The following EPHA2 variants were observed in gnomAD, a reference collection of about 807,000 sequenced individuals.
The protein encoded by EPHA2 is ephrin type-A receptor 2.
A neutral mutation model predicts 104.9 loss-of-function variants in EPHA2; 54 were observed. The ratio of observed to expected loss-of-function variants is 0.51; its 90% confidence interval spans 0.41 to 0.65. The LOEUF is 0.65. Among genes scored for constraint, EPHA2 ranks in the 30% least tolerant of loss-of-function variants. The probability of loss-of-function intolerance (pLI) is 0.00; values close to 1 mark genes in which losing one functional copy is unlikely to be tolerated. For synonymous variants in EPHA2, 560 were observed against 559.1 expected, an observed-to-expected ratio of 1.00 and a Z score of -0.02; for missense variants, 1,117 against 1,369.5, an observed-to-expected ratio of 0.82 and a Z score of 2.91.
At chr1:16,137,711 G>A (rs1317721884) in intron 5 of EPHA2, 142 bp downstream of exon 5, 1 of 991,610 alleles carries the variant, frequency 1.0e-6, no homozygotes, top group Admixed American at 2.1e-5. Flanking sequence ...CCACGGGTTG[G>A]ACAAGCTTGC....
At position 16,150,895 on chromosome 1, in the gene EPHA2, C is replaced by T. The variant is rs2025022137; in HGVS notation, c.153+1G>A. 1 of 1,614,114 alleles carries T rather than the reference C, an allele frequency of 6.2e-7. No individual in the cohort carries two copies. Among genetic ancestry groups the T allele is most frequent in the Non-Finnish European group, 8.5e-7 (1 of 1,180,000 alleles). Reference sequence around the variant, plus strand: ...TCTCCCCACCCCGAAGGCTTACATACCCCTTTGCCATACGGGTGTGTGAGC... The same window carrying T: ...TCTCCCCACCCCGAAGGCTTACATATCCCTTTGCCATACGGGTGTGTGAGC... On this transcript the variant is annotated splice_donor_variant, in intron 2 of 16. Coordinates refer to ENST00000358432, the MANE Select transcript of EPHA2 (RefSeq NM_004431.5). LOFTEE classifies it high-confidence loss of function. The surrounding 1 kb of genome is among the most constrained non-coding windows in gnomAD (Gnocchi z 4.8).
intron 5 of EPHA2, 49 bp downstream of exon 5, chr1:16,137,804 C>A: frequency 6.2e-7 from 1 of 1,609,590 alleles, no homozygotes; most frequent in African/African-American, 1.3e-5. Context: ...CTCCTTAAGC[C>A]CCACCTGGGC....
intron 5 of EPHA2, among the ~76,000 whole-genome samples, chr1:16,136,751 A>G (rs1232717190): frequency 6.8e-6 from 1 of 146,752 alleles, no homozygotes; most frequent in Non-Finnish European, 1.5e-5. Context: ...AAGAAGAAGA[A>G]GAAGAAGAAG....
intron 1 of EPHA2, among the ~76,000 whole-genome samples, chr1:16,152,507 G>A (rs1220044067): frequency 1.3e-5 from 2 of 148,750 alleles, no homozygotes; most frequent in Admixed American, 6.7e-5. Flanking sequence ...GTGGCTGGGG[G>A]CAGCGGGGTG....
chr1:16,146,125 C>A (rs57222978), intron 3 of EPHA2, among the ~76,000 whole-genome samples: 7,494 of 152,230 alleles, frequency 0.049, 614 homozygotes, highest in African/African-American at 0.17. Context: ...CCTGGCATCT[C>A]GCGCACCGGC....
chr1:16,136,150 C>T lies in EPHA2; in HGVS notation c.1313-380G>A, dbSNP rs190322375. Among the ~76,000 whole-genome samples the T allele has an allele frequency of 1.9e-3, 287 of 152,070 alleles. 1 individual carries two copies. Among genetic ancestry groups the T allele is most frequent in the Admixed American group, 4.1e-3 (63 of 15,288 alleles). The stretch of plus-strand genomic sequence containing the variant: ...CCTCCCAAAATGCTGGGATTATGGG[C>T]GTGGTCACCACGCCCAGCTCCCAGG... On this transcript the variant is annotated intron_variant, in intron 5 of 16. Coordinates refer to ENST00000358432, the MANE Select transcript of EPHA2 (RefSeq NM_004431.5).
Position 16,129,723 on chromosome 1 carries a change from G to A in EPHA2, c.2670-134C>T, listed in dbSNP as rs902096616. ...GTCTCCTTATCTGGGCAACAGGGAAGCCCAGTCAAGTAGGGTTCAATGAGA... is the reference window on the plus strand; with the variant it reads ...GTCTCCTTATCTGGGCAACAGGGAAACCCAGTCAAGTAGGGTTCAATGAGA... On this transcript the variant is annotated intron_variant, in intron 15 of 16. Transcript: ENST00000358432. 7.4e-6 allele frequency: 9 copies of A among 1,219,666 alleles called. No homozygotes were observed. The African/African-American group carries it at 1.4e-4, about 18-fold the overall frequency. 75.6% of individuals were successfully genotyped at this position (1,219,666 alleles called of 1,614,324 possible). A position where few individuals can be genotyped will look rare whatever the true frequency, so the allele number is the denominator to read the frequency against.
In EPHA2 at chr1:16,134,406, AG is replaced by A; in HGVS notation, c.1682+61del. ...CCCCATCGTTCAGATGAGGAAATGGAGGTTCCTGCCCCATTTTCCCACCCAA... is the reference window on the plus strand; with the variant it reads ...CCCCATCGTTCAGATGAGGAAATGGAGTTCCTGCCCCATTTTCCCACCCAA... On this transcript the variant is annotated intron_variant, in intron 8 of 16. Transcript: ENST00000358432. The surrounding 1 kb of genome is among the most constrained non-coding windows in gnomAD (Gnocchi z 4.5). The A allele has an allele frequency of 6.6e-7, 1 of 1,516,648 alleles. No individual in the cohort carries two copies. The highest frequency in any genetic ancestry group is 9.1e-7 in the Non-Finnish European group (1 of 1,094,850). 93.9% of individuals were successfully genotyped at this position (1,516,648 alleles called of 1,614,324 possible).
chr1:16,133,148 T>G, intron 11 of EPHA2, 32 bp downstream of exon 11: 1 of 1,611,590 alleles, frequency 6.2e-7, no homozygotes, highest in Non-Finnish European at 8.5e-7. Flanking sequence ...GTGGCCCCTC[T>G]CCACCCAGTG....
At position 16,132,151 on chromosome 1, in the gene EPHA2, G is replaced by C; in HGVS notation, c.2238C>G (p.Leu746=). The C allele has an allele frequency of 6.2e-7, 1 of 1,614,226 alleles. No homozygotes were observed. Among genetic ancestry groups the C allele is most frequent in the Non-Finnish European group, 8.5e-7 (1 of 1,180,030 alleles). ...VHRDLAARNI[L]VNSNLVCKVS... Reference sequence around the variant, plus strand: ...CCTTGCAGACCAGGTTGCTGTTGACGAGGATGTTGCGGGCAGCCAGGTCAC... The same window carrying C: ...CCTTGCAGACCAGGTTGCTGTTGACCAGGATGTTGCGGGCAGCCAGGTCAC... The change falls in exon 13 of 17, where the codon CTC becomes CTG. Residue 746 remains leucine (L), a synonymous_variant. Transcript: ENST00000358432.
rs1278851193 is a variant in EPHA2, at chr1:16,133,840, G to A, written c.1738+20C>T. 7.1e-6 allele frequency: 11 copies of A among 1,540,586 alleles called. No individual in the cohort carries two copies. The highest frequency in any genetic ancestry group is 9.6e-6 in the Non-Finnish European group (11 of 1,140,664). On this transcript the variant is annotated intron_variant, in intron 9 of 16. Coordinates refer to ENST00000358432, the MANE Select transcript of EPHA2 (RefSeq NM_004431.5). ...GACGGTGCGGGCAGGGCTGGGCCTG[G>A]AGCGGGGGCTGCGTCTCACCTGACT...
Position 16,125,808 on chromosome 1 carries a change from G to T in EPHA2, c.2826-488C>A, listed in dbSNP as rs993499990. 6.6e-6 allele frequency among the ~76,000 whole-genome samples: 1 copy of T among 152,018 alleles called. No individual in the cohort carries two copies. Among genetic ancestry groups the T allele is most frequent in the Non-Finnish European group, 1.5e-5 (1 of 68,006 alleles). Reference sequence around the variant, plus strand: ...TCTGTTCCCAGTGCCCCCAGCTCAGGCCTCCTTCCCAGGAACTCTCTAGGG... The same window carrying T: ...TCTGTTCCCAGTGCCCCCAGCTCAGTCCTCCTTCCCAGGAACTCTCTAGGG... On this transcript the variant is annotated intron_variant, in intron 16 of 16. Coordinates refer to ENST00000358432, the MANE Select transcript of EPHA2 (RefSeq NM_004431.5). The surrounding 1 kb of genome is among the most constrained non-coding windows in gnomAD (Gnocchi z 4.9).
rs2024665908 is a variant in EPHA2 at position 16,135,503 on chromosome 1, A to C, written c.1428+152T>G. On this transcript the variant is annotated intron_variant, in intron 6 of 16. Transcript: ENST00000358432. The surrounding 1 kb of genome is among the most constrained non-coding windows in gnomAD (Gnocchi z 4.3). ...AATCTCTGCTGTGCTGCCTTGGGAG[A>C]TGTAACCCCCTGGCAGACCCCAGGC... 9 of 792,322 alleles carry C rather than the reference A, an allele frequency of 1.1e-5. No homozygotes were observed. The highest frequency in any genetic ancestry group is 2.0e-5 in the Non-Finnish European group (9 of 460,948). The allele number at this position is 792,322 out of a possible 1,614,324, so 49.1% of individuals were successfully genotyped here.
chr1:16,147,533 C>G (rs2024957327), intron 3 of EPHA2, among the ~76,000 whole-genome samples: 1 of 151,998 alleles, frequency 6.6e-6, no homozygotes, highest in Admixed American at 6.6e-5. Context: ...GAACTTGCTC[C>G]TGGTACTCCA....
chr1:16,133,418 G>A (rs775515235), intron 10 of EPHA2, 50 bp from the exon 11 acceptor site: 2 of 1,613,898 alleles, frequency 1.2e-6, no homozygotes. Flanking sequence ...CCGGCATGAG[G>A]GCTCCCACAC....
Position 16,129,566 on chromosome 1 carries a change from G to A in EPHA2, c.2693C>T (p.Thr898Met), listed in dbSNP as rs376803353. 3.5e-5 allele frequency: 57 copies of A among 1,612,150 alleles called. 1 individual carries two copies. The East Asian group carries it at 9.8e-4, about 28-fold the overall frequency. The change falls in exon 16 of 17, where the codon ACG becomes ATG. Residue 898 changes from threonine to methionine, a missense_variant. Physicochemically the swap from Thr to Met is moderately conservative, Grantham distance 81. Transcript: ENST00000358432. Reference protein sequence around the residue: ...DPRVSIRLPSTSGSEGVPFRT... With the variant: ...DPRVSIRLPSMSGSEGVPFRT... ...GAAGGGCACCCCCTCCGAGCCGCTC[G>A]TGCTGGGGAGCCGGATAGACACGCT... is the stretch of plus-strand genomic sequence containing the variant.
rs2124182261 is a variant in EPHA2, at chr1:16,125,187, C to T, written c.*28G>A. ...ACTCTGTTTCTTCAAGTATTCTTGG[C>T]CGATGGGGCTCCAGGCCCTGTCGAG... On this transcript the variant is annotated 3_prime_UTR_variant, in exon 17 of 17. Transcript: ENST00000358432. The surrounding 1 kb of genome is among the most constrained non-coding windows in gnomAD (Gnocchi z 4.9). 2 of 1,602,128 alleles carry T rather than the reference C, an allele frequency of 1.2e-6. No homozygotes were observed. Among genetic ancestry groups the T allele is most frequent in the South Asian group, 1.1e-5 (1 of 90,130 alleles).
At chr1:16,147,492 A>T (rs2024956359) in intron 3 of EPHA2, among the ~76,000 whole-genome samples, 1 of 152,048 alleles carries the variant, frequency 6.6e-6, no homozygotes, top group South Asian at 2.1e-4. Flanking sequence ...TATCTTGCCT[A>T]AGGCCACATA....
Position 16,131,633 on chromosome 1 carries a change from C to T in EPHA2, c.2475+88G>A. On this transcript the variant is annotated intron_variant, in intron 14 of 16. Coordinates refer to ENST00000358432, the MANE Select transcript of EPHA2 (RefSeq NM_004431.5). The surrounding 1 kb of genome is among the most constrained non-coding windows in gnomAD (Gnocchi z 5.2). ...GCAAGCCTAAGAAGGTTCATCTAAA[C>T]TGTCCTCTGCCCAGCCCCTGCAGTT... 1 of 1,562,982 alleles carries T rather than the reference C, an allele frequency of 6.4e-7. No individual in the cohort carries two copies.
Sources: allele counts gnomAD v4.1 joint callset (sites outside exome capture counted in the v4.1 genomes callset), GRCh38; gene constraint gnomAD v4.1.1; non-coding constraint Gnocchi (gnomAD v3.1); transcripts MANE v1.5; gene names NCBI Gene and HGNC (gene_info 2026-07-23, HGNC 2026-07-21).